MAST4: variants seen among roughly 807,000 people sequenced by gnomAD.
MAST4 encodes the protein microtubule-associated serine/threonine-protein kinase 4.
MAST4 carries 89 observed loss-of-function variants against 162.7 expected under a neutral mutation model. The observed-to-expected ratio is 0.55, with a 90% CI of 0.46 to 0.65. The LOEUF is 0.65. Among genes scored for constraint, MAST4 ranks in the 30% least tolerant of loss-of-function variants. The probability of loss-of-function intolerance (pLI) is 0.00; values close to 1 mark genes in which losing one functional copy is unlikely to be tolerated. For missense variants in MAST4, 3,153 were observed against 3,374.0 expected (o/e 0.93, Z 1.62); for synonymous variants, 1,479 against 1,361.1 (o/e 1.09, Z -1.91).
chr5:67,058,103 C>T (rs1014488208), intron 5 of MAST4, among the ~76,000 whole-genome samples: 2 of 151,968 alleles, frequency 1.3e-5, no homozygotes, highest in African/African-American at 4.8e-5. Context: ...GGCATGGTGG[C>T]ACATGCCTGT....
At position 66,624,146 on chromosome 5, in the gene MAST4, G is replaced by GTTTTTTTTTTTT. The variant is rs200030700; in HGVS notation, c.363+27140_363+27151dup. Among the ~76,000 whole-genome samples, 61 of 90,116 alleles carry GTTTTTTTTTTTT rather than the reference G, an allele frequency of 6.8e-4. 4 individuals are homozygous for GTTTTTTTTTTTT. Among genetic ancestry groups the GTTTTTTTTTTTT allele is most frequent in the Non-Finnish European group, 8.6e-4 (43 of 50,022 alleles). The allele number at this position is 90,116 out of a possible 152,430, so 59.1% of individuals were successfully genotyped here. ...TTGGAAGAATTAATATTGTTAAAAT[G>GTTTTTTTTTTTT]TTTTTTTTTTTTTTTTTTTTTTTGA... On this transcript the variant is annotated intron_variant, in intron 1 of 28. Transcript: ENST00000403625.
intron 3 of MAST4, among the ~76,000 whole-genome samples, chr5:66,895,534 A>G (rs1339708104): frequency 1.3e-5 from 2 of 152,068 alleles, no homozygotes; most frequent in Non-Finnish European, 2.9e-5. Flanking sequence ...TTTTTCCATC[A>G]AACTCCATTT....
chr5:67,090,139 TTC>T (rs771579108), intron 5 of MAST4, 21 bp from the exon 6 acceptor site: 4 of 1,526,680 alleles, frequency 2.6e-6, no homozygotes, highest in South Asian at 2.3e-5. Context: ...TGTAGTAAAT[TTC>T]TCTCTTTTCT....
At chr5:66,641,714 A>G (rs1228986768) in intron 1 of MAST4, among the ~76,000 whole-genome samples, 1 of 152,228 alleles carries the variant, frequency 6.6e-6, no homozygotes, top group African/African-American at 2.4e-5. Context: ...GTTGTATTCA[A>G]AAGGATTCAG....
chr5:66,832,331 A>AT (rs1214736959), intron 3 of MAST4, among the ~76,000 whole-genome samples: 3 of 152,056 alleles, frequency 2.0e-5, no homozygotes, highest in East Asian at 3.9e-4. Flanking sequence ...AAGCAATGAA[A>AT]TGTTTATTGT....
intron 19 of MAST4, among the ~76,000 whole-genome samples, chr5:67,139,014 T>C (rs1170605077): frequency 6.6e-6 from 1 of 152,236 alleles, no homozygotes; most frequent in East Asian, 1.9e-4. Flanking sequence ...CATTTTCTTG[T>C]TGATTGCTAC....
intron 1 of MAST4, among the ~76,000 whole-genome samples, chr5:66,756,356 A>G (rs1206753954): frequency 6.6e-6 from 1 of 152,238 alleles, no homozygotes; most frequent in African/African-American, 2.4e-5. Context: ...GTAGGTGACC[A>G]CGGAGTAGGA....
At chr5:66,664,367 G>A (rs1173153449) in intron 1 of MAST4, among the ~76,000 whole-genome samples, 3 of 149,194 alleles carry the variant, frequency 2.0e-5, no homozygotes, top group Non-Finnish European at 3.0e-5. Context: ...CCCGGGCGAC[G>A]GAGGTTGCAG....
chr5:67,112,475 G>A (rs1203881747), intron 11 of MAST4, among the ~76,000 whole-genome samples: 1 of 152,152 alleles, frequency 6.6e-6, no homozygotes, highest in African/African-American at 2.4e-5. Flanking sequence ...CCAGTCGCAA[G>A]CTCCATATGG....
chr5:67,132,640 C>A (rs1769126658), intron 16 of MAST4, among the ~76,000 whole-genome samples: 3 of 151,800 alleles, frequency 2.0e-5, no homozygotes, highest in Admixed American at 2.0e-4. Context: ...GACTTTTTTC[C>A]CCAGATGACT....
chr5:67,123,386 C>A (rs144588432), intron 14 of MAST4, among the ~76,000 whole-genome samples: 102 of 152,330 alleles, frequency 6.7e-4, no homozygotes, highest in Non-Finnish European at 4.1e-4. Context: ...CACTTCTGAT[C>A]CCTGACTGGA....
chr5:66,980,955 G>T (rs1186558096), intron 4 of MAST4, among the ~76,000 whole-genome samples: 1 of 152,140 alleles, frequency 6.6e-6, no homozygotes, highest in Non-Finnish European at 1.5e-5. Context: ...GAAGTGAACT[G>T]CAGGGATGTT....
At chr5:66,825,855 C>A (rs1184865735) in intron 3 of MAST4, among the ~76,000 whole-genome samples, 1 of 151,926 alleles carries the variant, frequency 6.6e-6, no homozygotes, top group Non-Finnish European at 1.5e-5. Flanking sequence ...CATGTAAAAG[C>A]AATACATATT....
At chr5:66,671,965 C>T (rs1413786465) in intron 1 of MAST4, among the ~76,000 whole-genome samples, 1 of 152,188 alleles carries the variant, frequency 6.6e-6, no homozygotes, top group Admixed American at 6.5e-5. Context: ...CTTACATTGG[C>T]AAACTATAAG....
chr5:66,646,936 AC>A (rs1316209047), intron 1 of MAST4, among the ~76,000 whole-genome samples: 1 of 152,168 alleles, frequency 6.6e-6, no homozygotes, highest in Non-Finnish European at 1.5e-5. Context: ...ACTTAAAATA[AC>A]CTTTAAATAA....
chr5:67,078,940 A>AATATATATATATATATATATATATAT, intron 5 of MAST4, among the ~76,000 whole-genome samples: 1 of 95,358 alleles, frequency 1.0e-5, no homozygotes, highest in South Asian at 3.0e-4. Flanking sequence ...ATATATATAT[A>AATATATATATATATATATATATATAT]TATATATATA....
At chr5:66,979,316 C>T (rs546823560) in intron 4 of MAST4, among the ~76,000 whole-genome samples, 41 of 152,006 alleles carry the variant, frequency 2.7e-4, no homozygotes, top group African/African-American at 7.7e-4. Context: ...TTGTGAGTAG[C>T]GGGGGCAGAT....
intron 4 of MAST4, among the ~76,000 whole-genome samples, chr5:66,910,741 C>CTTTGTTTTTT (rs1763690763): frequency 5.0e-4 from 10 of 20,086 alleles, no homozygotes; most frequent in South Asian, 2.8e-3. Context: ...TTTTTTTTTT[C>CTTTGTTTTTT]TTTTTTTTTT....
At chr5:66,963,944 T>G (rs1746334065) in intron 4 of MAST4, 1 of 719,664 alleles carries the variant, frequency 1.4e-6, no homozygotes, top group South Asian at 1.5e-5. Flanking sequence ...GATCACTTAC[T>G]CTATTTAGCA....
Sources: gnomAD v4.1 joint callset for allele counts (sites outside exome capture counted in the v4.1 genomes callset) on GRCh38, gnomAD v4.1.1 for gene constraint, MANE v1.5 for transcripts, NCBI Gene and HGNC (gene_info 2026-07-23, HGNC 2026-07-21) for gene names.